COL6A3: variants seen among roughly 807,000 people sequenced by gnomAD.
COL6A3 encodes collagen alpha-3(VI) chain.
A neutral mutation model predicts 274.1 loss-of-function variants in COL6A3; 137 were observed. That is an observed-to-expected ratio of 0.50 (90% CI 0.44 to 0.58). The LOEUF is 0.58. COL6A3 is among the 20% of genes least tolerant of loss of function. COL6A3 has a pLI of 0.00. For missense variants in COL6A3, 3,950 were observed against 4,124.9 expected (o/e 0.96, Z 1.16); for synonymous variants, 1,650 against 1,650.6 (o/e 1.00, Z 0.01).
At chr2:237,367,431 T>C (rs2077580264) in intron 10 of COL6A3, 145 bp from the exon 11 acceptor site, 1 of 982,150 alleles carries the variant, frequency 1.0e-6, no homozygotes, top group African/African-American at 1.6e-5. Context: ...CCATGCCTCT[T>C]TAGCCTGTAG....
In COL6A3 at chr2:237,347,787, C is replaced by A. The variant is rs2077125518; in HGVS notation, c.7029+20G>T. ...TACGTTCTCATTCCTCACCTGCAGC[C>A]AAGGCCCACGCAAACTTACCCTTCG... On this transcript the variant is annotated intron_variant, in intron 31 of 43. Transcript: ENST00000295550. 6.2e-7 allele frequency: 1 copy of A among 1,605,578 alleles called. No individual in the cohort carries two copies. Among genetic ancestry groups the A allele is most frequent in the African/African-American group, 1.3e-5 (1 of 74,862 alleles).
intron 25 of COL6A3, 21 bp downstream of exon 25, chr2:237,353,320 G>C: frequency 6.2e-7 from 1 of 1,612,040 alleles, no homozygotes; most frequent in Non-Finnish European, 8.5e-7. Flanking sequence ...AGGGCACACA[G>C]TCACACACGG....
chr2:237,362,601 A>G (rs545507672), intron 14 of COL6A3, among the ~76,000 whole-genome samples: 1 of 152,354 alleles, frequency 6.6e-6, no homozygotes, highest in African/African-American at 2.4e-5. Flanking sequence ...GCAAAGAAGT[A>G]TGGAAGAAAG....
intron 40 of COL6A3, 111 bp downstream of exon 40, chr2:237,336,024 C>T (rs1700523281): frequency 7.3e-7 from 1 of 1,371,492 alleles, no homozygotes; most frequent in Admixed American, 1.7e-5. Context: ...GTGTACAAGC[C>T]CAGATCAAGG....
At chr2:237,333,343 C>A in intron 42 of COL6A3, 107 bp downstream of exon 42, 1 of 995,104 alleles carries the variant, frequency 1.0e-6, no homozygotes, top group South Asian at 1.3e-5. Flanking sequence ...CCTTTTCCCC[C>A]ATAGAAGTCA....
Position 237,394,901 on chromosome 2 carries a change from T to C in COL6A3, c.395A>G (p.Lys132Arg), listed in dbSNP as rs1406500400. The change falls in exon 3 of 44, where the codon AAG becomes AGG. Residue 132 changes from lysine (K) to arginine (R), a missense_variant. This residue lies in a region of COL6A3 where 1,934 missense variants were observed against 1,984.3 expected (regional missense o/e 0.97). Coordinates refer to ENST00000295550, the MANE Select transcript of COL6A3 (RefSeq NM_004369.4). ...LEYIMQSHLT[K>R]AAGSRAGDGV... ...GTCACCGGCCCGGCTTCCAGCAGCC[T>C]TGGTGAGGTGGCTTTGCATTATGTA... The C allele has an allele frequency of 6.2e-7, 1 of 1,612,240 alleles. No homozygotes were observed. The highest frequency in any genetic ancestry group is 8.5e-7 in the Non-Finnish European group (1 of 1,178,398).
At chr2:237,409,823 T>C (rs1359954487) in intron 1 of COL6A3, among the ~76,000 whole-genome samples, 1 of 152,202 alleles carries the variant, frequency 6.6e-6, no homozygotes, top group Non-Finnish European at 1.5e-5. Flanking sequence ...GGCATGAATA[T>C]GCAAACCTAC....
rs1461798124 is a variant in COL6A3 at position 237,364,687 on chromosome 2, A to T, written c.5839-259T>A. On this transcript the variant is annotated intron_variant, in intron 12 of 43. Coordinates refer to ENST00000295550, the MANE Select transcript of COL6A3 (RefSeq NM_004369.4). The surrounding 1 kb of genome is among the most constrained non-coding windows in gnomAD (Gnocchi z 4.6). Reference sequence around the variant, plus strand: ...TAAAAACAATTTTTATCTCATTCTCATATTTCTAAGATGTAGTTTCTGCGA... The same window carrying T: ...TAAAAACAATTTTTATCTCATTCTCTTATTTCTAAGATGTAGTTTCTGCGA... Among the ~76,000 whole-genome samples, 1 of 152,196 alleles carries T rather than the reference A, an allele frequency of 6.6e-6. No homozygotes were observed. Among genetic ancestry groups the T allele is most frequent in the African/African-American group, 2.4e-5 (1 of 41,448 alleles).
Position 237,352,505 on chromosome 2 carries a change from T to C in COL6A3, c.6753+17A>G. On this transcript the variant is annotated intron_variant, in intron 26 of 43. Coordinates refer to ENST00000295550, the MANE Select transcript of COL6A3 (RefSeq NM_004369.4). Reference sequence around the variant, plus strand: ...TCTGTTCAGCTAGAGAGGGGGCTGGTATTAGGACAGGCTTACCCGAGGTCC... The same window carrying C: ...TCTGTTCAGCTAGAGAGGGGGCTGGCATTAGGACAGGCTTACCCGAGGTCC... 2.5e-6 allele frequency: 4 copies of C among 1,608,164 alleles called. No homozygotes were observed. Among genetic ancestry groups the C allele is most frequent in the Non-Finnish European group, 3.4e-6 (4 of 1,177,192 alleles).
At chr2:237,370,062 G>C (rs2077649889) in intron 9 of COL6A3, among the ~76,000 whole-genome samples, 1 of 151,162 alleles carries the variant, frequency 6.6e-6, no homozygotes, top group Admixed American at 6.6e-5. Flanking sequence ...GGGTCTCACT[G>C]TGTTGCCCAG....
intron 3 of COL6A3, among the ~76,000 whole-genome samples, chr2:237,390,308 A>G (rs2078254855): frequency 6.6e-6 from 1 of 152,238 alleles, no homozygotes; most frequent in African/African-American, 2.4e-5. Flanking sequence ...AAAAGACTGA[A>G]CATCTACAGT....
At position 237,344,762 on chromosome 2, in the gene COL6A3, C is replaced by T; in HGVS notation, c.7256G>A (p.Gly2419Asp). 1 of 1,601,650 alleles carries T rather than the reference C, an allele frequency of 6.2e-7. No individual in the cohort carries two copies. Among genetic ancestry groups the T allele is most frequent in the Non-Finnish European group, 8.5e-7 (1 of 1,174,480 alleles). The change falls in exon 36 of 44, where the codon GGC becomes GAC. Residue 2419 changes from glycine (G) to aspartate (D), a missense_variant. By Grantham distance (94) the Gly-to-Asp change is moderately conservative. Around this residue, in one of 5 missense-constraint regions of COL6A3, gnomAD observed 1,284 missense variants for 1,349.7 expected, o/e 0.95. Coordinates refer to ENST00000295550, the MANE Select transcript of COL6A3 (RefSeq NM_004369.4). The surrounding 1 kb of genome is among the most constrained non-coding windows in gnomAD (Gnocchi z 4.8). ...ACTCAAGACCACATCTCGCATCCGG[C>T]CGAAAGTGTCTTGGTTGACTCCCTC... ...TSEGVNQDTF[G>D]RMRDVVLSIV... is the part of the protein sequence containing the mutation.
chr2:237,372,971 C>T (rs905263287), intron 8 of COL6A3, among the ~76,000 whole-genome samples: 1 of 152,178 alleles, frequency 6.6e-6, no homozygotes, highest in Non-Finnish European at 1.5e-5. Context: ...GCTGAGGAAG[C>T]GGAGACAGGC....
In COL6A3 at chr2:237,368,452, A is replaced by T; in HGVS notation, c.4900+111T>A. 2 of 1,338,176 alleles carry T rather than the reference A, an allele frequency of 1.5e-6. No homozygotes were observed. The highest frequency in any genetic ancestry group is 2.8e-5 in the South Asian group (2 of 71,300). The allele number at this position is 1,338,176 out of a possible 1,614,324, so 82.9% of individuals were successfully genotyped here. ...GTATTTAATTTCTAATATTATCTGAAGAAACAACCCAGAGAGAAGAAAATT... is the reference window on the plus strand; with the variant it reads ...GTATTTAATTTCTAATATTATCTGATGAAACAACCCAGAGAGAAGAAAATT... On this transcript the variant is annotated intron_variant, in intron 10 of 43. Coordinates refer to ENST00000295550, the MANE Select transcript of COL6A3 (RefSeq NM_004369.4). The surrounding 1 kb of genome is among the most constrained non-coding windows in gnomAD (Gnocchi z 4.4).
At chr2:237,350,920 G>T (rs1047821834) in intron 27 of COL6A3, among the ~76,000 whole-genome samples, 25 of 152,236 alleles carry the variant, frequency 1.6e-4, no homozygotes, top group Non-Finnish European at 3.4e-4. Flanking sequence ...GAGCAGAGAT[G>T]GTTGGTGGCA....
intron 2 of COL6A3, 115 bp downstream of exon 2, chr2:237,396,612 T>C: frequency 9.7e-7 from 1 of 1,029,092 alleles, no homozygotes; most frequent in Admixed American, 1.7e-5. Flanking sequence ...CTATAATAAA[T>C]GGCTTAGCTA....
chr2:237,363,162 T>G, intron 14 of COL6A3, 91 bp downstream of exon 14: 10 of 1,199,740 alleles, frequency 8.3e-6, no homozygotes, highest in East Asian at 5.8e-5. Context: ...CCACCTCCAT[T>G]CACCTGCTGA....
At chr2:237,408,145 T>C (rs1462126987) in intron 1 of COL6A3, among the ~76,000 whole-genome samples, 1 of 139,966 alleles carries the variant, frequency 7.1e-6, no homozygotes, top group Non-Finnish European at 1.6e-5. Context: ...ATAAAATCAT[T>C]CTTGAAAACA....
At chr2:237,375,090 T>G in intron 7 of COL6A3, 70 bp from the exon 8 acceptor site, 1 of 1,600,528 alleles carries the variant, frequency 6.2e-7, no homozygotes, top group Admixed American at 1.7e-5. Flanking sequence ...CGAGGTGGGC[T>G]GCATAAGAGC....
Sources: gnomAD v4.1 joint callset for allele counts (sites outside exome capture counted in the v4.1 genomes callset) on GRCh38, gnomAD v4.1.1 for gene constraint, gnomAD v4.1.1 regional missense constraint, Gnocchi (gnomAD v3.1) non-coding constraint, MANE v1.5 for transcripts, NCBI Gene and HGNC (gene_info 2026-07-23, HGNC 2026-07-21) for gene names.